The following KIF13A variants were observed in gnomAD, a reference collection of about 807,000 sequenced individuals.
KIF13A encodes the protein kinesin-like protein KIF13A.
Under a neutral mutation model 212.2 loss-of-function variants are expected in KIF13A, and 79 were observed. The ratio of observed to expected loss-of-function variants is 0.37; its 90% confidence interval spans 0.31 to 0.45. The LOEUF (loss-of-function observed/expected upper bound fraction) is 0.45, where lower values mean the gene tolerates loss of function less well. Ranked by LOEUF, KIF13A falls within the 20% of genes least tolerant of loss-of-function variation. The pLI is 1.00. For synonymous variants in KIF13A, 789 were observed against 808.6 expected, an observed-to-expected ratio of 0.98 and a Z score of 0.41; for missense variants, 1,901 against 2,209.0, an observed-to-expected ratio of 0.86 and a Z score of 2.79.
chr6:17,834,009 T>A lies in KIF13A; in HGVS notation c.1218A>T (p.Leu406=). 3 of 1,604,714 alleles carry A rather than the reference T, an allele frequency of 1.9e-6. No homozygotes were observed. Among genetic ancestry groups the A allele is most frequent in the Non-Finnish European group, 2.5e-6 (3 of 1,177,944 alleles). The change falls in exon 12 of 39, where the codon CTA becomes CTT. Residue 406 remains leucine (L), a synonymous_variant. Transcript: ENST00000259711. This position sits in a 1 kb window ranked among gnomAD's most constrained non-coding sequence, Gnocchi z 4.0. ...TCAGCTTCTCTTCCCAAGTCACTGT[T>A]AGTTCTTTTATCAGCTTTTCAGACT... ...LEESEKLIKE[L]TVTWEEKLRK... is the part of the protein sequence containing the mutation.
In KIF13A at chr6:17,886,586, C is replaced by T. The variant is rs1439725511; in HGVS notation, c.159+11582G>A. 2.0e-5 allele frequency among the ~76,000 whole-genome samples: 3 copies of T among 152,256 alleles called. No homozygotes were observed. The highest frequency in any genetic ancestry group is 6.5e-5 in the Admixed American group (1 of 15,292). ...CTATACTCCATGTGACCTGGTACTC[C>T]GTCAGTGGTACTGTAGACATCTAAA... On this transcript the variant is annotated intron_variant, in intron 3 of 38. Coordinates refer to ENST00000259711, the MANE Select transcript of KIF13A (RefSeq NM_022113.6). This position sits in a 1 kb window ranked among gnomAD's most constrained non-coding sequence, Gnocchi z 5.6.
intron 2 of KIF13A, among the ~76,000 whole-genome samples, chr6:17,903,558 T>G (rs1458816329): frequency 1.3e-5 from 2 of 152,130 alleles, no homozygotes; most frequent in African/African-American, 4.8e-5. Context: ...GAAATATATA[T>G]TTATGTAAGT....
intron 2 of KIF13A, among the ~76,000 whole-genome samples, chr6:17,924,387 A>G (rs1361556800): frequency 2.0e-5 from 3 of 152,012 alleles, no homozygotes; most frequent in African/African-American, 7.3e-5. Flanking sequence ...GCCCAATGAT[A>G]CTCTCAATGT....
At chr6:17,950,278 AAAG>A (rs2150569141) in intron 2 of KIF13A, 2 of 391,902 alleles carry the variant, frequency 5.1e-6, no homozygotes, top group Admixed American at 7.0e-5. Context: ...TATATAAGTA[AAAG>A]AAGAGCTGAG....
chr6:17,843,984 G>A lies in KIF13A; in HGVS notation c.830+5393C>T, dbSNP rs1039097334. On this transcript the variant is annotated intron_variant, in intron 9 of 38. Transcript: ENST00000259711. This position sits in a 1 kb window ranked among gnomAD's most constrained non-coding sequence, Gnocchi z 5.3. ...CACTTGAACCCAGGAGATGGAGGTC[G>A]CAGTGAGCCGAGATCGTGCCACTGT... 2.0e-5 allele frequency among the ~76,000 whole-genome samples: 3 copies of A among 151,030 alleles called. No individual in the cohort carries two copies. Among genetic ancestry groups the A allele is most frequent in the South Asian group, 2.1e-4 (1 of 4,800 alleles).
intron 38 of KIF13A, among the ~76,000 whole-genome samples, chr6:17,767,387 TG>T (rs1196460010): frequency 3.3e-5 from 5 of 152,148 alleles, no homozygotes; most frequent in African/African-American, 7.2e-5. Context: ...CCCAAGTAGC[TG>T]GGATTACAGG....
At chr6:17,868,997 A>G (rs1321308708) in intron 4 of KIF13A, among the ~76,000 whole-genome samples, 2 of 143,828 alleles carry the variant, frequency 1.4e-5, no homozygotes, top group Middle Eastern at 7.2e-3. Context: ...CTCAAAAAAA[A>G]AAAAAAAAAA....
intron 4 of KIF13A, among the ~76,000 whole-genome samples, chr6:17,865,065 G>T (rs1261899021): frequency 6.6e-6 from 1 of 152,184 alleles, no homozygotes; most frequent in Admixed American, 6.5e-5. Context: ...TGAAATGGGA[G>T]GATATACGCC....
intron 4 of KIF13A, among the ~76,000 whole-genome samples, chr6:17,867,117 T>C (rs1335041846): frequency 6.6e-6 from 1 of 152,050 alleles, no homozygotes; most frequent in Non-Finnish European, 1.5e-5. Flanking sequence ...GGGTCAGTTG[T>C]ATTTGCTCCT....
chr6:17,761,406 A>C (rs916923463), downstream of KIF13A, among the ~76,000 whole-genome samples: 1 of 151,838 alleles, frequency 6.6e-6, no homozygotes, highest in Non-Finnish European at 1.5e-5. Flanking sequence ...TTTTGAGACA[A>C]GAGTTTAGCT....
At position 17,816,869 on chromosome 6, in the gene KIF13A, T is replaced by G. The variant is rs1310124646; in HGVS notation, c.2000+151A>C. On this transcript the variant is annotated intron_variant, in intron 17 of 38. Coordinates refer to ENST00000259711, the MANE Select transcript of KIF13A (RefSeq NM_022113.6). The surrounding 1 kb of genome is among the most constrained non-coding windows in gnomAD (Gnocchi z 4.3). ...AAACATACTTAGGGTGGACAATATT[T>G]GTGAAAGGAAAAGCTAATTGGCAAT... 4.7e-6 allele frequency: 3 copies of G among 638,868 alleles called. No individual in the cohort carries two copies. The highest frequency in any genetic ancestry group is 8.1e-6 in the Non-Finnish European group (3 of 372,442). 39.6% of individuals were successfully genotyped at this position (638,868 alleles called of 1,614,324 possible).
At chr6:17,880,566 T>A (rs1201032614) in intron 3 of KIF13A, among the ~76,000 whole-genome samples, 1 of 144,744 alleles carries the variant, frequency 6.9e-6, no homozygotes, top group East Asian at 2.0e-4. Flanking sequence ...AGGCGGAGGT[T>A]GCAGTGAGCC....
chr6:17,987,368 T>C lies in KIF13A; in HGVS notation c.55+41A>G. The C allele has an allele frequency of 7.7e-7, 1 of 1,304,666 alleles. No homozygotes were observed. Among genetic ancestry groups the C allele is most frequent in the East Asian group, 5.3e-5 (1 of 18,960 alleles). 80.8% of individuals were successfully genotyped at this position (1,304,666 alleles called of 1,614,324 possible). On this transcript the variant is annotated intron_variant, in intron 1 of 38. Coordinates refer to ENST00000259711, the MANE Select transcript of KIF13A (RefSeq NM_022113.6). This position sits in a 1 kb window ranked among gnomAD's most constrained non-coding sequence, Gnocchi z 7.7. ...GCAGTTTCTAAAGTTGCCCCCGCCC[T>C]CAGCCCGAGCAGAAATAAAAAAGAG...
In KIF13A at chr6:17,871,610, A is replaced by G. The variant is rs144422798; in HGVS notation, c.220+1767T>C. ...CTGAGTTATATGAGAGGAACCAACA[A>G]CAGACACTGGGCTGAGGCACTGAAT... On this transcript the variant is annotated intron_variant, in intron 4 of 38. Transcript: ENST00000259711. This position sits in a 1 kb window ranked among gnomAD's most constrained non-coding sequence, Gnocchi z 4.4. 0.017 allele frequency among the ~76,000 whole-genome samples: 2,517 copies of G among 152,254 alleles called. 31 individuals are homozygous for G. Among genetic ancestry groups the G allele is most frequent in the Non-Finnish European group, 0.027 (1,848 of 68,018 alleles).
intron 4 of KIF13A, among the ~76,000 whole-genome samples, chr6:17,866,936 A>AT (rs1445235142): frequency 6.7e-6 from 1 of 149,720 alleles, no homozygotes; most frequent in African/African-American, 2.5e-5. Flanking sequence ...AAGCTCATTT[A>AT]TTTTTTAACA....
chr6:17,794,865 A>G lies in KIF13A; in HGVS notation c.2943-161T>C. 1.6e-6 allele frequency: 1 copy of G among 643,828 alleles called. No individual in the cohort carries two copies. The highest frequency in any genetic ancestry group is 2.5e-6 in the Non-Finnish European group (1 of 394,180). 39.9% of individuals were successfully genotyped at this position (643,828 alleles called of 1,614,324 possible). The stretch of plus-strand genomic sequence containing the variant: ...ATTTAACTCTCAAAACCAACCTGTC[A>G]TATTGTTTCTTTTTATTTATTTTAC... On this transcript the variant is annotated intron_variant, in intron 23 of 38. Coordinates refer to ENST00000259711, the MANE Select transcript of KIF13A (RefSeq NM_022113.6). This position sits in a 1 kb window ranked among gnomAD's most constrained non-coding sequence, Gnocchi z 4.1.
Position 17,801,133 on chromosome 6 carries a change from C to T in KIF13A, c.2455-1020G>A, listed in dbSNP as rs114287894. On this transcript the variant is annotated intron_variant, in intron 20 of 38. Coordinates refer to ENST00000259711, the MANE Select transcript of KIF13A (RefSeq NM_022113.6). The stretch of plus-strand genomic sequence containing the variant: ...GACCAAACAGCTAGCTCATGAAATA[C>T]CAAAATAAAAACACAGGTTCTGCCA... Among the ~76,000 whole-genome samples, 1,216 of 152,080 alleles carry T rather than the reference C, an allele frequency of 8.0e-3. 20 individuals carry two copies. The highest frequency in any genetic ancestry group is 0.028 in the African/African-American group (1,173 of 41,450).
At position 17,787,642 on chromosome 6, in the gene KIF13A, C is replaced by A. The variant is rs1761171466; in HGVS notation, c.3361+134G>T. 3.2e-6 allele frequency: 2 copies of A among 628,556 alleles called. No homozygotes were observed. Among genetic ancestry groups the A allele is most frequent in the South Asian group, 1.9e-5 (1 of 52,558 alleles). The allele number at this position is 628,556 out of a possible 1,614,324, so 38.9% of individuals were successfully genotyped here. A position where few individuals can be genotyped will look rare whatever the true frequency, so the allele number is the denominator to read the frequency against. ...CTCCAGCTTGGGTGACAGAGTGAGA[C>A]CCTGTCTTAAAACAACAACAACAAC... On this transcript the variant is annotated intron_variant, in intron 27 of 38. Transcript: ENST00000259711. The surrounding 1 kb of genome is among the most constrained non-coding windows in gnomAD (Gnocchi z 4.6).
At chr6:17,887,416 T>A (rs530220605) in intron 3 of KIF13A, among the ~76,000 whole-genome samples, 1 of 152,284 alleles carries the variant, frequency 6.6e-6, no homozygotes, top group South Asian at 2.1e-4. Flanking sequence ...CCTAGATTAT[T>A]ATCCACCCTA....
Sources: gnomAD v4.1 joint callset for allele counts (sites outside exome capture counted in the v4.1 genomes callset) on GRCh38, gnomAD v4.1.1 for gene constraint, Gnocchi (gnomAD v3.1) non-coding constraint, MANE v1.5 for transcripts, NCBI Gene and HGNC (gene_info 2026-07-23, HGNC 2026-07-21) for gene names.